Variants in PKHD1 observed in about 807,000 individuals in gnomAD.
PKHD1 encodes PKHD1 ciliary IPT domain containing fibrocystin/polyductin, also known as fibrocystin.
A neutral mutation model predicts 412.0 loss-of-function variants in PKHD1; 291 were observed. The ratio of observed to expected loss-of-function variants is 0.71; its 90% CI spans 0.64 to 0.78. The LOEUF (loss-of-function observed/expected upper bound fraction) is 0.78, where lower values mean the gene tolerates loss of function less well. PKHD1 is among the 30% of genes least tolerant of loss of function. The pLI, the probability that PKHD1 is intolerant of heterozygous loss-of-function variation, is 0.00. For missense variants in PKHD1, 4,825 were observed against 4,950.7 expected (o/e 0.97, Z 0.76); for synonymous variants, 1,777 against 1,821.5 (o/e 0.98, Z 0.62).
At chr6:51,890,728 C>T (rs1323684920) in intron 43 of PKHD1, among the ~76,000 whole-genome samples, 3 of 152,080 alleles carry the variant, frequency 2.0e-5, no homozygotes, top group South Asian at 2.1e-4. Flanking sequence ...CACAGCTTAG[C>T]GTGCACAGAG....
At chr6:51,857,050 C>T (rs1773423980) in intron 48 of PKHD1, among the ~76,000 whole-genome samples, 1 of 152,182 alleles carries the variant, frequency 6.6e-6, no homozygotes, top group Non-Finnish European at 1.5e-5. Context: ...GTGAGTATCA[C>T]AAAGTAGAAC....
At chr6:51,818,529 G>A (rs941433158) in intron 52 of PKHD1, among the ~76,000 whole-genome samples, 7 of 152,184 alleles carry the variant, frequency 4.6e-5, no homozygotes, top group South Asian at 2.1e-4. Context: ...ATGCCCTCTT[G>A]CGATCATTTC....
Position 51,845,478 on chromosome 6 carries a change from A to G in PKHD1, c.8107+2297T>C, listed in dbSNP as rs543366556. Among the ~76,000 whole-genome samples, 16 of 152,342 alleles carry G rather than the reference A, an allele frequency of 1.1e-4. No individual in the cohort carries two copies. In the South Asian group the frequency reaches 2.9e-3, roughly 28 times the overall value. On this transcript the variant is annotated intron_variant, in intron 50 of 66. Coordinates refer to ENST00000371117, the MANE Select transcript of PKHD1 (RefSeq NM_138694.4). ...ATCCCTTCAAGAAGCAAGAGTCTCC[A>G]AGTTTGTTAAACATTCAACAAATCC... is the stretch of plus-strand genomic sequence containing the variant.
At chr6:51,703,076 T>C (rs1415063051) in intron 60 of PKHD1, among the ~76,000 whole-genome samples, 6 of 151,894 alleles carry the variant, frequency 4.0e-5, no homozygotes, top group African/African-American at 7.2e-5. Flanking sequence ...GCAATAAATG[T>C]CTGTATACAG....
chr6:51,658,871 G>A, intron 61 of PKHD1, 81 bp downstream of exon 61: 2 of 877,256 alleles, frequency 2.3e-6, no homozygotes, highest in South Asian at 1.3e-5. Flanking sequence ...TTCAGTGTAA[G>A]TAGATTGACA....
chr6:51,825,921 T>C (rs1294324199), intron 52 of PKHD1, among the ~76,000 whole-genome samples: 2 of 151,742 alleles, frequency 1.3e-5, no homozygotes, highest in African/African-American at 4.8e-5. Flanking sequence ...AGACCAAAAT[T>C]TGAGAACTAC....
chr6:52,061,508 C>G (rs1221522042), intron 14 of PKHD1, among the ~76,000 whole-genome samples: 1 of 152,100 alleles, frequency 6.6e-6, no homozygotes, highest in East Asian at 1.9e-4. Context: ...TGGTTAAGTA[C>G]CTAGTAAGTA....
At chr6:52,053,038 G>A (rs1562238544) in intron 21 of PKHD1, 38 bp downstream of exon 21, 3 of 1,601,658 alleles carry the variant, frequency 1.9e-6, no homozygotes, top group East Asian at 2.2e-5. Context: ...AGGTAGGCAT[G>A]TGACCGGCTT....
chr6:51,915,425 A>G (rs1217524382), intron 37 of PKHD1, among the ~76,000 whole-genome samples: 1 of 152,098 alleles, frequency 6.6e-6, no homozygotes, highest in Non-Finnish European at 1.5e-5. Flanking sequence ...CCCCCACTAA[A>G]CATAACAGCA....
chr6:51,743,622 G>T (rs1379566891), intron 60 of PKHD1, among the ~76,000 whole-genome samples: 4 of 152,140 alleles, frequency 2.6e-5, no homozygotes, highest in African/African-American at 7.2e-5. Flanking sequence ...AAGGAAAAAG[G>T]TCTCAGGACA....
intron 46 of PKHD1, among the ~76,000 whole-genome samples, chr6:51,872,303 A>T (rs1377219300): frequency 1.3e-5 from 2 of 152,228 alleles, no homozygotes; most frequent in Non-Finnish European, 2.9e-5. Context: ...AGCAAAGTGC[A>T]TCATATTGAA....
At chr6:51,801,573 G>A (rs9382031) in intron 52 of PKHD1, among the ~76,000 whole-genome samples, 89,010 of 150,766 alleles carry the variant, frequency 0.59, 26,982 homozygotes, top group East Asian at 0.83. Context: ...AGTGCCCAGA[G>A]GCACACGATT....
At position 52,049,233 on chromosome 6, in the gene PKHD1, C is replaced by T. The variant is rs80273066; in HGVS notation, c.2280-614G>A. ...CTAGGCTATATGGTATAGCCTGTTG[C>T]TCCTAGGCTACAAGCCTGCTGCTGT... is the stretch of plus-strand genomic sequence containing the variant. On this transcript the variant is annotated intron_variant, in intron 22 of 66. Transcript: ENST00000371117. 9.4e-3 allele frequency among the ~76,000 whole-genome samples: 1,435 copies of T among 152,296 alleles called. 32 individuals carry two copies. Among genetic ancestry groups the T allele is most frequent in the African/African-American group, 0.032 (1,322 of 41,556 alleles).
At chr6:51,628,009 A>AAAGTAATG (rs1561983855) in intron 65 of PKHD1, among the ~76,000 whole-genome samples, 1 of 152,194 alleles carries the variant, frequency 6.6e-6, no homozygotes, top group Admixed American at 6.6e-5. Context: ...GTAATATGGC[A>AAAGTAATG]AAGTAATGCC....
At chr6:51,895,729 C>G (rs2474896) in intron 43 of PKHD1, among the ~76,000 whole-genome samples, 2 of 151,840 alleles carry the variant, frequency 1.3e-5, no homozygotes, top group Admixed American at 6.6e-5. Flanking sequence ...AGAAGACAGG[C>G]GATTTCTGCA....
In PKHD1 at chr6:51,615,742, G is replaced by A. The variant is rs1358182491; in HGVS notation, c.*3339C>T. 1 of 152,176 alleles carries A rather than the reference G, an allele frequency of 6.6e-6. No homozygotes were observed. The highest frequency in any genetic ancestry group is 1.5e-5 in the Non-Finnish European group (1 of 68,038). 9.4% of individuals were successfully genotyped at this position (152,176 alleles called of 1,614,324 possible). On this transcript the variant is annotated 3_prime_UTR_variant, in exon 67 of 67. Coordinates refer to ENST00000371117, the MANE Select transcript of PKHD1 (RefSeq NM_138694.4). ...TTTGGAGTAAGACTGATAGATGGAA[G>A]GGAGTCATTCAACTAAATTGTTGAA...
Position 52,079,847 on chromosome 6 carries a change from C to A in PKHD1, c.390+53G>T, listed in dbSNP as rs201973989. On this transcript the variant is annotated intron_variant, in intron 5 of 66. Transcript: ENST00000371117. ...ATTTACAATTTGCCTTTCAATAACA[C>A]AAGCACACCCTTAGACTATGTAAAC... is the stretch of plus-strand genomic sequence containing the variant. 9.5e-6 allele frequency: 10 copies of A among 1,049,742 alleles called. No homozygotes were observed. The East Asian group carries it at 2.4e-4, about 25-fold the overall frequency. 65.0% of individuals were successfully genotyped at this position (1,049,742 alleles called of 1,614,324 possible).
chr6:51,626,105 T>C (rs1433466041), intron 66 of PKHD1, among the ~76,000 whole-genome samples: 9 of 152,194 alleles, frequency 5.9e-5, no homozygotes, highest in Non-Finnish European at 7.4e-5. Flanking sequence ...CATGCTCATG[T>C]GTGCATGCAC....
chr6:51,641,244 T>C (rs1256434651), intron 63 of PKHD1, among the ~76,000 whole-genome samples: 1 of 152,206 alleles, frequency 6.6e-6, no homozygotes, highest in Non-Finnish European at 1.5e-5. Flanking sequence ...AAACTAGTCC[T>C]CACACATTCC....
Sources: gnomAD v4.1 joint callset for allele counts (sites outside exome capture counted in the v4.1 genomes callset) on GRCh38, gnomAD v4.1.1 for gene constraint, MANE v1.5 for transcripts, NCBI Gene and HGNC (gene_info 2026-07-23, HGNC 2026-07-21) for gene names.